SYT16: variants seen among roughly 807,000 people sequenced by gnomAD.
The protein encoded by SYT16 is synaptotagmin-16.
In SYT16, 42 loss-of-function variants were observed where a neutral mutation model predicts 61.4. That is an observed-to-expected ratio of 0.68 (90% CI 0.53 to 0.89). SYT16 has a LOEUF of 0.89. SYT16 is among the 40% of genes least tolerant of loss of function. SYT16 has a pLI of 0.00. For synonymous variants in SYT16, 314 were observed against 302.3 expected, an observed-to-expected ratio of 1.04 and a Z score of -0.40; for missense variants, 804 against 807.3, an observed-to-expected ratio of 1.00 and a Z score of 0.05.
At chr14:61,843,009 T>C (rs1452237010) in intron 1 of SYT16, among the ~76,000 whole-genome samples, 1 of 152,212 alleles carries the variant, frequency 6.6e-6, no homozygotes, top group East Asian at 1.9e-4. Context: ...TGCTTCCAAA[T>C]TGTGGATATT....
intron 3 of SYT16, among the ~76,000 whole-genome samples, chr14:62,047,974 G>A (rs1449975002): frequency 2.6e-5 from 4 of 152,180 alleles, no homozygotes; most frequent in Non-Finnish European, 5.9e-5. Flanking sequence ...TTGGTATCAG[G>A]ATGATGCTGG....
At chr14:61,852,177 C>A (rs2140273005) in intron 1 of SYT16, among the ~76,000 whole-genome samples, 1 of 151,092 alleles carries the variant, frequency 6.6e-6, no homozygotes, top group South Asian at 2.1e-4. Context: ...AATAGGGAAT[C>A]CTTTCCCCAT....
At chr14:61,845,901 A>T (rs993250383) in intron 1 of SYT16, among the ~76,000 whole-genome samples, 2 of 152,014 alleles carry the variant, frequency 1.3e-5, no homozygotes, top group East Asian at 3.9e-4. Flanking sequence ...TTTCAAGAAA[A>T]TTTTCAATTT....
chr14:61,939,250 A>G (rs1024191637), intron 1 of SYT16, among the ~76,000 whole-genome samples: 3 of 152,238 alleles, frequency 2.0e-5, no homozygotes, highest in Non-Finnish European at 2.9e-5. Flanking sequence ...CCTGTTCCTG[A>G]TGGATGCATA....
chr14:61,822,895 G>A (rs967920269), intron 1 of SYT16, among the ~76,000 whole-genome samples: 2 of 152,206 alleles, frequency 1.3e-5, no homozygotes, highest in Admixed American at 6.5e-5. Flanking sequence ...TTTTTCATGG[G>A]AGAAAATGGA....
chr14:61,873,200 T>C (rs1285158139), intron 1 of SYT16, among the ~76,000 whole-genome samples: 1 of 152,214 alleles, frequency 6.6e-6, no homozygotes, highest in Non-Finnish European at 1.5e-5. Flanking sequence ...TAGTCCCTAA[T>C]GTTTGCTATT....
intron 7 of SYT16, among the ~76,000 whole-genome samples, chr14:62,092,620 C>T (rs536335937): frequency 9.9e-4 from 150 of 151,308 alleles, no homozygotes; most frequent in African/African-American, 3.4e-3. Flanking sequence ...ATGAAATAAG[C>T]CAGTCACAAA....
chr14:61,866,297 C>CA (rs1355008921), intron 1 of SYT16, among the ~76,000 whole-genome samples: 1 of 151,672 alleles, frequency 6.6e-6, no homozygotes. Context: ...AAAAAATTGC[C>CA]AAAAAAGGAA....
At chr14:62,000,745 TA>T (rs1347606958) in intron 3 of SYT16, among the ~76,000 whole-genome samples, 1 of 152,124 alleles carries the variant, frequency 6.6e-6, no homozygotes, top group African/African-American at 2.4e-5. Flanking sequence ...CATGGATCTT[TA>T]ATTAACTTCA....
intron 7 of SYT16, among the ~76,000 whole-genome samples, chr14:62,090,211 T>A (rs1008591918): frequency 6.6e-6 from 1 of 152,260 alleles, no homozygotes; most frequent in African/African-American, 2.4e-5. Context: ...TGTACAGATA[T>A]AATGGTCATT....
chr14:61,945,828 C>T (rs969902473), intron 1 of SYT16, among the ~76,000 whole-genome samples: 7 of 126,386 alleles, frequency 5.5e-5, no homozygotes, highest in African/African-American at 2.0e-4. Flanking sequence ...TGCACTCCAG[C>T]CTGGGCGACA....
intron 1 of SYT16, among the ~76,000 whole-genome samples, chr14:61,947,767 T>C (rs888270668): frequency 1.3e-5 from 2 of 152,222 alleles, no homozygotes; most frequent in African/African-American, 4.8e-5. Flanking sequence ...CTAACAATGA[T>C]GCACTTAAAT....
intron 1 of SYT16, among the ~76,000 whole-genome samples, chr14:61,903,221 A>C (rs562313339): frequency 6.6e-6 from 1 of 152,074 alleles, no homozygotes; most frequent in East Asian, 1.9e-4. Context: ...TTTCCAAATA[A>C]GGCCACATTT....
chr14:62,089,328 A>AG (rs1358392332), intron 7 of SYT16, among the ~76,000 whole-genome samples: 2 of 151,912 alleles, frequency 1.3e-5, no homozygotes, highest in East Asian at 3.9e-4. Context: ...CAAAAAAAAA[A>AG]AAAATGGGGT....
At chr14:61,988,422 G>T (rs1228489443) in intron 2 of SYT16, among the ~76,000 whole-genome samples, 2 of 152,272 alleles carry the variant, frequency 1.3e-5, no homozygotes, top group Admixed American at 6.5e-5. Flanking sequence ...AGTATTTGCG[G>T]AACATGTTTA....
At chr14:62,078,092 C>T (rs1318710459) in intron 5 of SYT16, among the ~76,000 whole-genome samples, 5 of 148,748 alleles carry the variant, frequency 3.4e-5, no homozygotes, top group Non-Finnish European at 7.4e-5. Flanking sequence ...TCTCCCCCTT[C>T]ATCTTGTGCG....
At chr14:61,878,628 A>T (rs2047587325) in intron 1 of SYT16, among the ~76,000 whole-genome samples, 1 of 152,360 alleles carries the variant, frequency 6.6e-6, no homozygotes, top group African/African-American at 2.4e-5. Flanking sequence ...TCCACCATTC[A>T]TACCAAAACC....
intron 3 of SYT16, among the ~76,000 whole-genome samples, chr14:62,010,378 C>T (rs1039934893): frequency 1.3e-5 from 2 of 152,222 alleles, no homozygotes; most frequent in Admixed American, 6.5e-5. Flanking sequence ...GATGATCTCT[C>T]TGAGAAGGCA....
chr14:61,975,552 C>T (rs1385639414), intron 2 of SYT16, among the ~76,000 whole-genome samples: 3 of 152,224 alleles, frequency 2.0e-5, no homozygotes, highest in African/African-American at 7.2e-5. Flanking sequence ...GGAAGAAGTG[C>T]CAAGTGAAGG....
Sources: allele counts gnomAD v4.1 joint callset (sites outside exome capture counted in the v4.1 genomes callset), GRCh38; gene constraint gnomAD v4.1.1; transcripts MANE v1.5; gene names NCBI Gene and HGNC (gene_info 2026-07-23, HGNC 2026-07-21).